Variants in ATG12 observed in about 807,000 individuals in gnomAD.
ATG12 encodes the protein autophagy related 12.
In ATG12, 19 loss-of-function variants were observed where a neutral mutation model predicts 17.6. The ratio of observed to expected loss-of-function variants is 1.08; its 90% CI spans 0.75 to 1.58. ATG12 has a LOEUF of 1.58. Ranked by LOEUF, ATG12 falls within the 40% of genes most tolerant of loss-of-function variation. The pLI is 0.00. For synonymous variants in ATG12, 75 were observed against 62.4 expected (o/e 1.20, Z -0.95); for missense variants, 214 against 162.0 (o/e 1.32, Z -1.74).
At chr5:115,832,343 T>G (rs1473909559) in intron 3 of ATG12, among the ~76,000 whole-genome samples, 3 of 152,054 alleles carry the variant, frequency 2.0e-5, no homozygotes, top group Non-Finnish European at 4.4e-5. Flanking sequence ...TGAAGATGAC[T>G]TTGAAATGTA....
In ATG12 at chr5:115,829,519, T is replaced by C. The variant is rs1227929947; in HGVS notation, c.*2285A>G. The C allele has an allele frequency of 2.0e-5, 3 of 152,230 alleles. No individual in the cohort carries two copies. The highest frequency in any genetic ancestry group is 7.2e-5 in the African/African-American group (3 of 41,458). 9.4% of individuals were successfully genotyped at this position (152,230 alleles called of 1,614,324 possible). On this transcript the variant is annotated 3_prime_UTR_variant, in exon 4 of 4. Coordinates refer to ENST00000509910, the MANE Select transcript of ATG12 (RefSeq NM_004707.4). ...TACTTTTAAAGATGGAAGTACAATA[T>C]TGCAATATTATACATATACTTTGTG...
rs528434479 is a variant in ATG12 at position 115,841,521 on chromosome 5, A to G, written c.32T>C (p.Leu11Pro). MAEEPQSVLQLPTSIAAGGEG... is the reference protein window; with the variant it reads MAEEPQSVLQPPTSIAAGGEG... Reference sequence around the variant, plus strand: ...CCCTCCAGCAGCAATTGAAGTAGGAAGCTGCAACACAGACTGCGGCTCCTC... The same window carrying G: ...CCCTCCAGCAGCAATTGAAGTAGGAGGCTGCAACACAGACTGCGGCTCCTC... The change falls in exon 1 of 4, where the codon CTT (leucine) becomes CCT (proline). Residue 11 changes from leucine (L) to proline (P), a missense_variant. Transcript: ENST00000509910. 314 of 1,612,752 alleles carry G rather than the reference A, an allele frequency of 1.9e-4. 2 individuals are homozygous for G. The South Asian group carries it at 3.3e-3, about 17-fold the overall frequency.
rs775244820 is a variant in ATG12 at position 115,828,679 on chromosome 5, CTT to C, written c.*3123_*3124del. Reference sequence around the variant, plus strand: ...AAAAACTTAAACTATACAAAATTTCCTTTGTTTTTAGCTGTCATACTTTGCTA... The same window carrying C: ...AAAAACTTAAACTATACAAAATTTCCTGTTTTTAGCTGTCATACTTTGCTA... On this transcript the variant is annotated 3_prime_UTR_variant, in exon 4 of 4. Transcript: ENST00000509910. 3.3e-5 allele frequency: 5 copies of C among 152,198 alleles called. No individual in the cohort carries two copies. Among genetic ancestry groups the C allele is most frequent in the South Asian group, 2.1e-4 (1 of 4,822 alleles). The allele number at this position is 152,198 out of a possible 1,614,324, so 9.4% of individuals were successfully genotyped here.
chr5:115,835,565 T>C (rs1394022195), intron 2 of ATG12, among the ~76,000 whole-genome samples: 3 of 152,136 alleles, frequency 2.0e-5, no homozygotes, highest in Non-Finnish European at 4.4e-5. Context: ...CTGAAATTTC[T>C]CCTCAGTATG....
In ATG12 at chr5:115,831,679, A is replaced by G; in HGVS notation, c.*125T>C. Reference sequence around the variant, plus strand: ...TGGATGTTTTCTTATGCATAAACATAGAGTAGACACATACTAAATAGATCA... The same window carrying G: ...TGGATGTTTTCTTATGCATAAACATGGAGTAGACACATACTAAATAGATCA... On this transcript the variant is annotated 3_prime_UTR_variant, in exon 4 of 4. Coordinates refer to ENST00000509910, the MANE Select transcript of ATG12 (RefSeq NM_004707.4). The G allele has an allele frequency of 1.2e-6, 1 of 849,414 alleles. No homozygotes were observed. The highest frequency in any genetic ancestry group is 1.9e-6 in the Non-Finnish European group (1 of 528,582). The allele number at this position is 849,414 out of a possible 1,614,324, so 52.6% of individuals were successfully genotyped here.
intron 1 of ATG12, among the ~76,000 whole-genome samples, chr5:115,840,291 A>C (rs2112734216): frequency 6.6e-6 from 1 of 150,866 alleles, no homozygotes; most frequent in Non-Finnish European, 1.5e-5. Flanking sequence ...CAATGAGACC[A>C]ATGTCTTTTT....
chr5:115,840,603 C>A, intron 1 of ATG12: 1 of 1,279,148 alleles, frequency 7.8e-7, no homozygotes, highest in Admixed American at 2.4e-5. Context: ...CGGCCAGAGA[C>A]CACTGTCATC....
intron 2 of ATG12, among the ~76,000 whole-genome samples, chr5:115,835,855 C>T (rs1464864006): frequency 6.6e-6 from 1 of 152,002 alleles, no homozygotes; most frequent in Non-Finnish European, 1.5e-5. Flanking sequence ...TTGTCCCCAC[C>T]AACATGTGTT....
At position 115,841,370 on chromosome 5, in the gene ATG12, C is replaced by T. The variant is rs766957498; in HGVS notation, c.163+20G>A. The T allele has an allele frequency of 2.9e-5, 47 of 1,610,092 alleles. No homozygotes were observed. In the East Asian group the frequency reaches 6.5e-4, roughly 22 times the overall value. ...CAATCTGAACCTCCCGCCTCTCTGCCCGGAAATAAATTCAGTTACTTTTTT... is the reference window on the plus strand; with the variant it reads ...CAATCTGAACCTCCCGCCTCTCTGCTCGGAAATAAATTCAGTTACTTTTTT... On this transcript the variant is annotated intron_variant, in intron 1 of 3. Transcript: ENST00000509910.
chr5:115,832,563 ATTTCTTTCTTT>A, intron 3 of ATG12, 28 bp downstream of exon 3: 3 of 1,392,720 alleles, frequency 2.2e-6, no homozygotes, highest in Middle Eastern at 2.7e-4. Context: ...AAAAGCAGTA[ATTTCTTTCTTT>A]TTTTTTTTTT....
chr5:115,840,629 G>T (rs1014281628), intron 1 of ATG12: 5 of 1,265,862 alleles, frequency 3.9e-6, no homozygotes, highest in African/African-American at 1.5e-5. Context: ...ACAGAACGGG[G>T]AAAACGTCTA....
intron 1 of ATG12, among the ~76,000 whole-genome samples, chr5:115,840,327 C>A (rs1005756728): frequency 2.2e-4 from 32 of 142,226 alleles, no homozygotes; most frequent in Middle Eastern, 3.8e-3. Flanking sequence ...GGCGGAGTTT[C>A]GCTCTTGTTG....
rs891294259 is a variant in ATG12, at chr5:115,831,650, G to A, written c.*154C>T. ...ATCACATTTTTCTGAGTCCATTCAT[G>A]CTATGGATGTTTTCTTATGCATAAA... On this transcript the variant is annotated 3_prime_UTR_variant, in exon 4 of 4. Coordinates refer to ENST00000509910, the MANE Select transcript of ATG12 (RefSeq NM_004707.4). 4.2e-5 allele frequency: 30 copies of A among 708,274 alleles called. No homozygotes were observed. The highest frequency in any genetic ancestry group is 6.6e-5 in the Non-Finnish European group (27 of 410,632). The allele number at this position is 708,274 out of a possible 1,614,324, so 43.9% of individuals were successfully genotyped here.
In ATG12 at chr5:115,829,114, A is replaced by T. The variant is rs1760758453; in HGVS notation, c.*2690T>A. The T allele has an allele frequency of 6.6e-6, 1 of 152,234 alleles. No individual in the cohort carries two copies. Among genetic ancestry groups the T allele is most frequent in the Non-Finnish European group, 1.5e-5 (1 of 68,028 alleles). 9.4% of individuals were successfully genotyped at this position (152,234 alleles called of 1,614,324 possible). ...ATAAATACGATTTGAACTGTATTCA[A>T]ATAGTAGTATTTGCTGAACTGTTTT... On this transcript the variant is annotated 3_prime_UTR_variant, in exon 4 of 4. Transcript: ENST00000509910.
At chr5:115,840,203 G>A (rs1235115190) in intron 1 of ATG12, among the ~76,000 whole-genome samples, 1 of 152,184 alleles carries the variant, frequency 6.6e-6, no homozygotes, top group African/African-American at 2.4e-5. Flanking sequence ...GGTGGAAATG[G>A]GAGTCTGATT....
chr5:115,840,484 G>T, intron 1 of ATG12: 1 of 503,968 alleles, frequency 2.0e-6, no homozygotes, highest in Non-Finnish European at 3.1e-6. Context: ...TTTTAGTAGA[G>T]ATGGAGTCTT....
intron 2 of ATG12, among the ~76,000 whole-genome samples, chr5:115,835,769 A>G (rs1216257479): frequency 6.6e-6 from 1 of 152,220 alleles, no homozygotes; most frequent in Non-Finnish European, 1.5e-5. Context: ...CAGTGCCGTC[A>G]GATGCCAACC....
chr5:115,829,243 G>C lies in ATG12; in HGVS notation c.*2561C>G, dbSNP rs953298633. Reference sequence around the variant, plus strand: ...AAATGAAGCAGAAACTGCATGAAAAGAGATTTTTATTTTCACACTCCTTCA... The same window carrying C: ...AAATGAAGCAGAAACTGCATGAAAACAGATTTTTATTTTCACACTCCTTCA... On this transcript the variant is annotated 3_prime_UTR_variant, in exon 4 of 4. Transcript: ENST00000509910. 6.6e-6 allele frequency: 1 copy of C among 152,186 alleles called. No individual in the cohort carries two copies. Among genetic ancestry groups the C allele is most frequent in the East Asian group, 1.9e-4 (1 of 5,204 alleles). The allele number at this position is 152,186 out of a possible 1,614,324, so 9.4% of individuals were successfully genotyped here. A position where few individuals can be genotyped will look rare whatever the true frequency, so the allele number is the denominator to read the frequency against.
chr5:115,841,131 G>A (rs1223001560), intron 1 of ATG12: 3 of 402,472 alleles, frequency 7.5e-6, no homozygotes, highest in East Asian at 1.2e-4. Flanking sequence ...TCGCAGTCTG[G>A]CCAACTCAAA....
Sources: allele counts gnomAD v4.1 joint callset (sites outside exome capture counted in the v4.1 genomes callset), GRCh38; gene constraint gnomAD v4.1.1; transcripts MANE v1.5; gene names NCBI Gene and HGNC (gene_info 2026-07-23, HGNC 2026-07-21).